The following FARS2 variants were observed in gnomAD, a reference collection of about 807,000 sequenced individuals.
FARS2 encodes phenylalanine--tRNA ligase, mitochondrial.
A neutral mutation model predicts 46.4 loss-of-function variants in FARS2; 40 were observed. The observed-to-expected ratio is 0.86, with a 90% confidence interval of 0.67 to 1.12. The LOEUF (loss-of-function observed/expected upper bound fraction) is 1.12, where lower values mean the gene tolerates loss of function less well. Among genes scored for constraint, FARS2 ranks in the 50% most tolerant of loss-of-function variants. FARS2 has a pLI of 0.00. For synonymous variants in FARS2, 234 were observed against 214.9 expected (o/e 1.09, Z -0.78); for missense variants, 513 against 567.9 (o/e 0.90, Z 0.98).
At chr6:5,273,541 T>C (rs1384308926) in intron 1 of FARS2, among the ~76,000 whole-genome samples, 1 of 152,112 alleles carries the variant, frequency 6.6e-6, no homozygotes, top group African/African-American at 2.4e-5. Flanking sequence ...TTGTTTGTGC[T>C]CATTATATAT....
At chr6:5,737,691 A>G (rs1761040733) in intron 6 of FARS2, among the ~76,000 whole-genome samples, 3 of 152,190 alleles carry the variant, frequency 2.0e-5, no homozygotes, top group South Asian at 2.1e-4. Flanking sequence ...GCCAATGAGA[A>G]TAAGCAGAAA....
chr6:5,726,461 C>CA (rs1760263425), intron 6 of FARS2, among the ~76,000 whole-genome samples: 1 of 152,174 alleles, frequency 6.6e-6, no homozygotes, highest in Non-Finnish European at 1.5e-5. Flanking sequence ...TGATGGTCCT[C>CA]ACGATGTAAA....
intron 6 of FARS2, among the ~76,000 whole-genome samples, chr6:5,614,249 C>T (rs933624292): frequency 6.6e-6 from 1 of 152,106 alleles, no homozygotes; most frequent in Non-Finnish European, 1.5e-5. Flanking sequence ...CCTTTGGCTC[C>T]TAGCTGTTAG....
At chr6:5,304,406 G>A (rs1768547135) in intron 1 of FARS2, among the ~76,000 whole-genome samples, 2 of 152,278 alleles carry the variant, frequency 1.3e-5, no homozygotes, top group Middle Eastern at 3.4e-3. Flanking sequence ...GTATACATTT[G>A]TACATGTAGC....
intron 4 of FARS2, among the ~76,000 whole-genome samples, chr6:5,493,751 G>A (rs998046195): frequency 2.6e-5 from 4 of 152,150 alleles, no homozygotes; most frequent in African/African-American, 9.7e-5. Context: ...ATGAATGAAG[G>A]TCTCTTACAT....
At chr6:5,360,576 T>C (rs1461756155) in intron 1 of FARS2, among the ~76,000 whole-genome samples, 5 of 151,388 alleles carry the variant, frequency 3.3e-5, no homozygotes, top group African/African-American at 1.2e-4. Context: ...CAGCATATTC[T>C]GTTCTTCTGT....
chr6:5,418,358 C>T (rs1400894181), intron 3 of FARS2, among the ~76,000 whole-genome samples: 1 of 152,200 alleles, frequency 6.6e-6, no homozygotes, highest in Non-Finnish European at 1.5e-5. Context: ...TACTTAGAAA[C>T]ACTTTGATCC....
chr6:5,369,951 T>C (rs1435163955), intron 2 of FARS2, among the ~76,000 whole-genome samples: 1 of 152,128 alleles, frequency 6.6e-6, no homozygotes, highest in Non-Finnish European at 1.5e-5. Flanking sequence ...CCATACCACT[T>C]GTCCCTCACT....
At chr6:5,549,065 C>A (rs1437786002) in intron 5 of FARS2, among the ~76,000 whole-genome samples, 1 of 152,050 alleles carries the variant, frequency 6.6e-6, no homozygotes, top group Admixed American at 6.5e-5. Flanking sequence ...TATTATTTTA[C>A]AGTTCTAGAG....
intron 4 of FARS2, among the ~76,000 whole-genome samples, chr6:5,474,858 C>A (rs1163255147): frequency 6.6e-6 from 1 of 151,928 alleles, no homozygotes; most frequent in Non-Finnish European, 1.5e-5. Flanking sequence ...TGGGATTTCA[C>A]CATGCTGGCC....
chr6:5,443,264 A>G (rs934454455), intron 4 of FARS2, among the ~76,000 whole-genome samples: 15 of 152,230 alleles, frequency 9.9e-5, no homozygotes, highest in African/African-American at 3.6e-4. Context: ...GAGTGAGCAA[A>G]TAAAAGGTGT....
Position 5,545,189 on chromosome 6 carries a change from A to G in FARS2, c.914A>G (p.Gln305Arg), listed in dbSNP as rs543297094. 1.9e-6 allele frequency: 3 copies of G among 1,613,848 alleles called. No individual in the cohort carries two copies. The highest frequency in any genetic ancestry group is 1.3e-5 in the African/African-American group (1 of 75,036). ...EQQLVNSAGA[Q>R]DRIGWAFGLG... ...TGTTTCCTAATCACAGCTGGTGCTC[A>G]AGACCGAATCGGCTGGGCTTTTGGC... The change falls in exon 5 of 7, where the codon CAA (glutamine) becomes CGA (arginine). Residue 305 changes from glutamine (Q) to arginine (R), a missense_variant. Gln to Arg is a conservative substitution (Grantham distance 43). Transcript: ENST00000274680.
chr6:5,638,809 C>T (rs566575707), intron 6 of FARS2, among the ~76,000 whole-genome samples: 1 of 152,300 alleles, frequency 6.6e-6, no homozygotes, highest in East Asian at 1.9e-4. Flanking sequence ...TCTGATTGGT[C>T]CATAGAGCCA....
At chr6:5,598,327 G>C (rs1236241668) in intron 5 of FARS2, among the ~76,000 whole-genome samples, 1 of 152,176 alleles carries the variant, frequency 6.6e-6, no homozygotes, top group Non-Finnish European at 1.5e-5. Flanking sequence ...AGGCTGCAGT[G>C]AGCTATGAAT....
At chr6:5,705,718 T>A (rs1469996899) in intron 6 of FARS2, among the ~76,000 whole-genome samples, 3 of 152,178 alleles carry the variant, frequency 2.0e-5, no homozygotes, top group Non-Finnish European at 4.4e-5. Flanking sequence ...CTCGAGCCAT[T>A]TGGAATGTTC....
chr6:5,276,522 G>A (rs897991271), intron 1 of FARS2, among the ~76,000 whole-genome samples: 1 of 152,214 alleles, frequency 6.6e-6, no homozygotes, highest in Non-Finnish European at 1.5e-5. Context: ...ACAATAATCT[G>A]TGATGACTAT....
intron 2 of FARS2, among the ~76,000 whole-genome samples, chr6:5,370,827 A>G (rs1293565775): frequency 6.6e-6 from 1 of 152,234 alleles, no homozygotes; most frequent in Non-Finnish European, 1.5e-5. Context: ...ACTAATCTAA[A>G]CTGATGATGC....
At chr6:5,390,410 A>G (rs530700900) in intron 2 of FARS2, among the ~76,000 whole-genome samples, 1 of 152,310 alleles carries the variant, frequency 6.6e-6, no homozygotes, top group East Asian at 1.9e-4. Flanking sequence ...CCCTTGATGG[A>G]TCCTGCCTTT....
rs576934556 is a variant in FARS2 at position 5,308,615 on chromosome 6, C to T, written c.-22+46955C>T. ...ACAAAAGTTTCTGTGTACTTACTCT[C>T]GCCCTGTGTCCTTACCTTATCATGC... On this transcript the variant is annotated intron_variant, in intron 1 of 6. Coordinates refer to ENST00000274680, the MANE Select transcript of FARS2 (RefSeq NM_006567.5). 1.3e-3 allele frequency among the ~76,000 whole-genome samples: 194 copies of T among 152,332 alleles called. 2 individuals are homozygous for T. The highest frequency in any genetic ancestry group is 4.5e-3 in the African/African-American group (189 of 41,586).
Sources: allele counts gnomAD v4.1 joint callset (sites outside exome capture counted in the v4.1 genomes callset), GRCh38; gene constraint gnomAD v4.1.1; transcripts MANE v1.5; gene names NCBI Gene and HGNC (gene_info 2026-07-23, HGNC 2026-07-21).